Variants in ERC1 observed in about 807,000 individuals in gnomAD.
ERC1 encodes RAB6 interacting protein 2.
A neutral mutation model predicts 132.0 loss-of-function variants in ERC1; 56 were observed. The ratio of observed to expected loss-of-function variants is 0.42; its 90% CI spans 0.34 to 0.53. The LOEUF (loss-of-function observed/expected upper bound fraction) is 0.53, where lower values mean the gene tolerates loss of function less well. Among genes scored for constraint, ERC1 ranks in the 20% least tolerant of loss-of-function variants. ERC1 has a pLI of 0.03. For synonymous variants in ERC1, 478 were observed against 476.1 expected (o/e 1.00, Z -0.05); for missense variants, 1,202 against 1,349.9 (o/e 0.89, Z 1.72).
chr12:1,072,268 T>A lies in ERC1; in HGVS notation c.670-10896T>A, dbSNP rs138920440. Among the ~76,000 whole-genome samples, 36 of 152,314 alleles carry A rather than the reference T, an allele frequency of 2.4e-4. No individual in the cohort carries two copies. The East Asian group carries it at 5.0e-3, about 21-fold the overall frequency. ...AAATAATGCCAACAAATATATTTAT[T>A]GGGGTTTGTGTGATAGAATTGGCAG... On this transcript the variant is annotated intron_variant, in intron 2 of 18. Transcript: ENST00000360905.
chr12:1,363,654 A>C (rs1305255869), intron 15 of ERC1, among the ~76,000 whole-genome samples: 1 of 149,666 alleles, frequency 6.7e-6, no homozygotes, highest in East Asian at 2.0e-4. Context: ...TCCTGGGCTC[A>C]AAGGATGCTC....
At chr12:1,140,041 C>T (rs1236847192) in intron 7 of ERC1, among the ~76,000 whole-genome samples, 1 of 152,036 alleles carries the variant, frequency 6.6e-6, no homozygotes, top group Non-Finnish European at 1.5e-5. Flanking sequence ...TGAATAATGA[C>T]AAATGGGAGC....
Position 1,028,039 on chromosome 12 carries a change from G to A in ERC1, c.136G>A (p.Val46Ile). The change falls in exon 2 of 19, where the codon GTT becomes ATT. Residue 46 changes from valine to isoleucine, a missense_variant. Physicochemically the swap from Val to Ile is conservative, Grantham distance 29. Transcript: ENST00000360905. ...NSTGGSSGSS[V>I]GGGSGKTLSM... Reference sequence around the variant, plus strand: ...TACGGGAGGGAGTTCGGGAAGCAGTGTTGGAGGTGGCAGTGGGAAAACCCT... The same window carrying A: ...TACGGGAGGGAGTTCGGGAAGCAGTATTGGAGGTGGCAGTGGGAAAACCCT... 3 of 1,614,180 alleles carry A rather than the reference G, an allele frequency of 1.9e-6. No individual in the cohort carries two copies. Among genetic ancestry groups the A allele is most frequent in the Non-Finnish European group, 2.5e-6 (3 of 1,180,042 alleles).
intron 8 of ERC1, among the ~76,000 whole-genome samples, chr12:1,172,666 ATAGG>A (rs1953200388): frequency 6.6e-6 from 1 of 152,058 alleles, no homozygotes; most frequent in African/African-American, 2.4e-5. Flanking sequence ...ATATATGCTA[ATAGG>A]TAGTGATTTC....
At chr12:1,480,782 A>T in intron 18 of ERC1, 1 of 701,948 alleles carries the variant, frequency 1.4e-6, no homozygotes, top group Non-Finnish European at 2.6e-6. Flanking sequence ...GAATATCTCG[A>T]GTAATACCTT....
chr12:1,137,728 C>G (rs1949398248), intron 7 of ERC1, among the ~76,000 whole-genome samples: 1 of 151,484 alleles, frequency 6.6e-6, no homozygotes, highest in South Asian at 2.1e-4. Context: ...TGGCATGCAC[C>G]TGTAATCCCA....
At position 1,278,449 on chromosome 12, in the gene ERC1, A is replaced by AG. The variant is rs2078434787; in HGVS notation, c.2620-11402dup. Among the ~76,000 whole-genome samples the AG allele has an allele frequency of 2.6e-5, 4 of 152,312 alleles. No individual in the cohort carries two copies. In the South Asian group the frequency reaches 8.3e-4, roughly 32 times the overall value. ...TCTCAGAGAATGAATGTCCAAAAAA[A>AG]GAGTTGAAATTTCATAGTATTGTTG... On this transcript the variant is annotated intron_variant, in intron 14 of 18. Coordinates refer to ENST00000360905, the MANE Select transcript of ERC1 (RefSeq NM_178040.4).
intron 6 of ERC1, chr12:1,115,663 A>T (rs967560469): frequency 4.3e-6 from 2 of 466,496 alleles, no homozygotes; most frequent in African/African-American, 4.0e-5. Context: ...ACATTTCCCT[A>T]TTGGTTGAAT....
intron 15 of ERC1, among the ~76,000 whole-genome samples, chr12:1,324,468 A>G (rs1313312194): frequency 6.6e-6 from 1 of 152,190 alleles, no homozygotes; most frequent in East Asian, 1.9e-4. Flanking sequence ...ATTCATGGAC[A>G]CCAAAGACAA....
intron 7 of ERC1, among the ~76,000 whole-genome samples, chr12:1,133,445 T>C (rs998679626): frequency 2.0e-5 from 3 of 152,160 alleles, no homozygotes; most frequent in African/African-American, 4.8e-5. Context: ...CACTGTCAAA[T>C]AGGATTAGTA....
rs572770713 is a variant in ERC1 at position 1,040,483 on chromosome 12, T to A, written c.669+11911T>A. ...CACCATGCCCGGCTAATTTTTTGTA[T>A]TTTTAGTGGAGACGGGATTTCACCG... On this transcript the variant is annotated intron_variant, in intron 2 of 18. Transcript: ENST00000360905. Among the ~76,000 whole-genome samples, 8 of 152,180 alleles carry A rather than the reference T, an allele frequency of 5.3e-5. No individual in the cohort carries two copies. The South Asian group carries it at 1.5e-3, about 28-fold the overall frequency.
chr12:1,325,148 G>A (rs1024438529), intron 15 of ERC1, among the ~76,000 whole-genome samples: 1 of 151,898 alleles, frequency 6.6e-6, no homozygotes, highest in African/African-American at 2.4e-5. Context: ...TCCCTTTTTC[G>A]GTTTTAGGCA....
chr12:1,353,425 A>C (rs1436304295), intron 15 of ERC1, among the ~76,000 whole-genome samples: 4 of 152,256 alleles, frequency 2.6e-5, no homozygotes, highest in Non-Finnish European at 5.9e-5. Flanking sequence ...ATGGAGCTTA[A>C]AGGAATAGAA....
intron 8 of ERC1, among the ~76,000 whole-genome samples, chr12:1,165,968 C>T (rs1593880764): frequency 6.6e-6 from 1 of 152,188 alleles, no homozygotes; most frequent in East Asian, 1.9e-4. Flanking sequence ...CCTCTGACAA[C>T]CAGTAACCTC....
At chr12:1,289,264 G>A (rs2079263621) in intron 14 of ERC1, among the ~76,000 whole-genome samples, 1 of 149,702 alleles carries the variant, frequency 6.7e-6, no homozygotes. Flanking sequence ...TAGGTATATA[G>A]GGTTATATTT....
chr12:1,238,096 G>A (rs1019406833), intron 13 of ERC1, among the ~76,000 whole-genome samples: 5 of 150,206 alleles, frequency 3.3e-5, no homozygotes, highest in East Asian at 3.9e-4. Flanking sequence ...CAGCATGCCC[G>A]TTTTTCCTCA....
chr12:1,390,056 T>C (rs1471188159), intron 16 of ERC1, among the ~76,000 whole-genome samples: 1 of 152,218 alleles, frequency 6.6e-6, no homozygotes, highest in Non-Finnish European at 1.5e-5. Flanking sequence ...AGCGGGGCTG[T>C]GTGTGTCTGG....
chr12:1,468,817 T>C (rs2093799571), intron 18 of ERC1, among the ~76,000 whole-genome samples: 1 of 152,196 alleles, frequency 6.6e-6, no homozygotes, highest in Admixed American at 6.5e-5. Flanking sequence ...ATAATGAAGC[T>C]GAGGACAGAG....
chr12:1,032,779 A>G (rs1288536718), intron 2 of ERC1, among the ~76,000 whole-genome samples: 1 of 152,202 alleles, frequency 6.6e-6, no homozygotes, highest in Non-Finnish European at 1.5e-5. Context: ...GCATTGCACT[A>G]CCAAGTAAAT....
Sources: gnomAD v4.1 joint callset for allele counts (sites outside exome capture counted in the v4.1 genomes callset) on GRCh38, gnomAD v4.1.1 for gene constraint, MANE v1.5 for transcripts, NCBI Gene and HGNC (gene_info 2026-07-23, HGNC 2026-07-21) for gene names.